Variants in MSRA observed in about 807,000 individuals in gnomAD.
The protein encoded by MSRA is mitochondrial peptide methionine sulfoxide reductase.
MSRA carries 54 observed loss-of-function variants against 31.3 expected under a neutral mutation model. The ratio of observed to expected loss-of-function variants is 1.73; its 90% confidence interval spans 1.39 to 2.17. The LOEUF is 2.17. Ranked by LOEUF, MSRA falls within the 30% of genes most tolerant of loss-of-function variation. The probability of loss-of-function intolerance (pLI) is 0.00; values close to 1 mark genes in which losing one functional copy is unlikely to be tolerated. For missense variants in MSRA, 507 were observed against 300.9 expected, an observed-to-expected ratio of 1.69 and a Z score of -5.07; for synonymous variants, 169 against 116.5, an observed-to-expected ratio of 1.45 and a Z score of -2.90.
At chr8:10,322,628 G>C (rs1203229773) in intron 5 of MSRA, among the ~76,000 whole-genome samples, 3 of 152,180 alleles carry the variant, frequency 2.0e-5, no homozygotes, top group Non-Finnish European at 4.4e-5. Flanking sequence ...CTGCCTTGCA[G>C]GGAGGATTGT....
intron 2 of MSRA, among the ~76,000 whole-genome samples, chr8:10,241,078 TG>T (rs1812373731): frequency 6.6e-6 from 1 of 152,150 alleles, no homozygotes; most frequent in South Asian, 2.1e-4. Context: ...TATAATCTGG[TG>T]GGTCTGATGG....
chr8:10,098,985 TCC>T (rs1475299708), intron 1 of MSRA, among the ~76,000 whole-genome samples: 1 of 152,210 alleles, frequency 6.6e-6, no homozygotes, highest in Non-Finnish European at 1.5e-5. Context: ...ATAAGGCCCC[TCC>T]CACATCCTGA....
At chr8:10,419,518 G>A (rs1216455859) in intron 5 of MSRA, among the ~76,000 whole-genome samples, 1 of 152,216 alleles carries the variant, frequency 6.6e-6, no homozygotes, top group Non-Finnish European at 1.5e-5. Context: ...TGAGTAGCCT[G>A]ATGACGTGAG....
chr8:10,174,832 A>C (rs918807960), intron 1 of MSRA, among the ~76,000 whole-genome samples: 7 of 152,158 alleles, frequency 4.6e-5, no homozygotes, highest in African/African-American at 1.2e-4. Context: ...GTCAAAAAAC[A>C]AACTCTTCAC....
chr8:10,180,537 G>C (rs996802009), intron 1 of MSRA, among the ~76,000 whole-genome samples: 12 of 152,114 alleles, frequency 7.9e-5, no homozygotes, highest in African/African-American at 2.9e-4. Context: ...GTTCCTCCGG[G>C]AGCCAGTCCC....
At chr8:10,416,265 C>G (rs937671430) in intron 5 of MSRA, among the ~76,000 whole-genome samples, 10 of 152,214 alleles carry the variant, frequency 6.6e-5, no homozygotes, top group African/African-American at 2.2e-4. Flanking sequence ...TAACAATTGT[C>G]GAGATTCATT....
At chr8:10,223,835 C>A (rs551674347) in intron 2 of MSRA, among the ~76,000 whole-genome samples, 3 of 152,078 alleles carry the variant, frequency 2.0e-5, no homozygotes, top group Non-Finnish European at 4.4e-5. Context: ...GGGTATAAAA[C>A]GTGAAGACCC....
chr8:10,058,364 G>T (rs1238361309), intron 1 of MSRA, among the ~76,000 whole-genome samples: 1 of 152,136 alleles, frequency 6.6e-6, no homozygotes, highest in Non-Finnish European at 1.5e-5. Context: ...CATAAAAACA[G>T]ATAATTTGAA....
At chr8:10,152,895 C>T (rs1167694290) in intron 1 of MSRA, among the ~76,000 whole-genome samples, 2 of 152,198 alleles carry the variant, frequency 1.3e-5, no homozygotes, top group African/African-American at 4.8e-5. Context: ...TATGAGAAAT[C>T]AGCCAGCCAC....
intron 2 of MSRA, among the ~76,000 whole-genome samples, chr8:10,226,270 A>G (rs544936682): frequency 6.6e-6 from 1 of 152,222 alleles, no homozygotes; most frequent in Non-Finnish European, 1.5e-5. Flanking sequence ...ACTTTCCACT[A>G]ATAGCCCTCC....
At chr8:10,255,384 C>T (rs1798123411) in intron 3 of MSRA, among the ~76,000 whole-genome samples, 1 of 152,190 alleles carries the variant, frequency 6.6e-6, no homozygotes, top group Non-Finnish European at 1.5e-5. Context: ...GTACAGGTCC[C>T]AGGTTTTGCA....
At chr8:10,419,523 C>T (rs541150713) in intron 5 of MSRA, among the ~76,000 whole-genome samples, 2 of 152,242 alleles carry the variant, frequency 1.3e-5, no homozygotes, top group African/African-American at 2.4e-5. Flanking sequence ...AGCCTGATGA[C>T]GTGAGATGGT....
intron 1 of MSRA, among the ~76,000 whole-genome samples, chr8:10,149,285 C>A (rs1016120590): frequency 2.0e-5 from 3 of 152,160 alleles, no homozygotes; most frequent in African/African-American, 7.2e-5. Context: ...CCATGCCCAG[C>A]TAAGTTTTTG....
chr8:10,062,380 T>C (rs1797248024), intron 1 of MSRA, among the ~76,000 whole-genome samples: 1 of 152,208 alleles, frequency 6.6e-6, no homozygotes, highest in Non-Finnish European at 1.5e-5. Context: ...TACATGCTGC[T>C]CTTATCTTCC....
At chr8:10,397,067 C>T (rs895333055) in intron 5 of MSRA, among the ~76,000 whole-genome samples, 2 of 152,234 alleles carry the variant, frequency 1.3e-5, no homozygotes, top group African/African-American at 2.4e-5. Context: ...GTGTCCTGCT[C>T]ATCCTTGTAG....
intron 1 of MSRA, among the ~76,000 whole-genome samples, chr8:10,065,995 A>G (rs1230342957): frequency 6.7e-6 from 1 of 148,742 alleles, no homozygotes; most frequent in East Asian, 1.9e-4. Flanking sequence ...AATATATAAA[A>G]TAATTATTAA....
chr8:10,234,754 C>G (rs1278987891), intron 2 of MSRA, among the ~76,000 whole-genome samples: 1 of 151,652 alleles, frequency 6.6e-6, no homozygotes, highest in Non-Finnish European at 1.5e-5. Flanking sequence ...AAACATACGC[C>G]TGGTAAATGA....
At chr8:10,086,491 C>G (rs1031985382) in intron 1 of MSRA, among the ~76,000 whole-genome samples, 1 of 152,150 alleles carries the variant, frequency 6.6e-6, no homozygotes, top group Non-Finnish European at 1.5e-5. Flanking sequence ...GGGATGGTTG[C>G]TTGAAATTTT....
chr8:10,382,091 T>C (rs1216380711), intron 5 of MSRA, among the ~76,000 whole-genome samples: 2 of 152,228 alleles, frequency 1.3e-5, no homozygotes, highest in Admixed American at 1.3e-4. Context: ...TTAAGTGGCT[T>C]TCTAGAAGCT....
Sources: gnomAD v4.1 joint callset for allele counts (sites outside exome capture counted in the v4.1 genomes callset) on GRCh38, gnomAD v4.1.1 for gene constraint, MANE v1.5 for transcripts, NCBI Gene and HGNC (gene_info 2026-07-23, HGNC 2026-07-21) for gene names.